UNC13D: variants seen among roughly 807,000 people sequenced by gnomAD.
UNC13D encodes the protein unc-13 homolog D.
UNC13D carries 115 observed loss-of-function variants against 151.7 expected under a neutral mutation model. The ratio of observed to expected loss-of-function variants is 0.76; its 90% CI spans 0.65 to 0.88. The LOEUF is 0.88. Ranked by LOEUF, UNC13D falls within the 40% of genes least tolerant of loss-of-function variation. The pLI, the probability that UNC13D is intolerant of heterozygous loss-of-function variation, is 0.00. For missense variants in UNC13D, 1,369 were observed against 1,438.7 expected (o/e 0.95, Z 0.78); for synonymous variants, 588 against 612.2 (o/e 0.96, Z 0.58).
chr17:75,844,275 T>C lies in UNC13D; in HGVS notation c.63A>G (p.Ile21Met). The C allele has an allele frequency of 2.5e-6, 4 of 1,612,854 alleles. 1 individual carries two copies. In the South Asian group the frequency reaches 3.3e-5, roughly 13 times the overall value. ...RPPFLRQAIK[I>M]RRRRVRDLQD... Reference sequence around the variant, plus strand: ...GTAGATCTCTGACTCTGCGGCGCCTTATCTTGATGGCCTGGCGCAAGAAGG... The same window carrying C: ...GTAGATCTCTGACTCTGCGGCGCCTCATCTTGATGGCCTGGCGCAAGAAGG... The change falls in exon 1 of 32, where the codon ATA becomes ATG. Residue 21 changes from isoleucine (I) to methionine (M), a missense_variant. Physicochemically the swap from Ile to Met is conservative, Grantham distance 10. Around this residue, in one of 3 missense-constraint regions of UNC13D, gnomAD observed 550 missense variants for 609.0 expected, o/e 0.90. Transcript: ENST00000207549.
Position 75,840,227 on chromosome 17 carries a change from G to A in UNC13D, c.856C>T (p.Arg286Trp), listed in dbSNP as rs142618705. The A allele has an allele frequency of 2.3e-5, 37 of 1,613,954 alleles. 1 individual carries two copies. Among genetic ancestry groups the A allele is most frequent in the Middle Eastern group, 1.6e-4 (1 of 6,062 alleles). ...CACTGGCCCAGTACCCGACCTACCC[G>A]CTTATGGATGAGTTGGAACTGGAGG... ...CHLQFQLIHK[R>W]RATSASRSQP... Residue 286 changes from arginine (R) to tryptophan (W), a missense_variant and splice_region_variant, in exon 10 of 32, where the codon CGG (arginine) becomes TGG (tryptophan). By Grantham distance (101) the Arg-to-Trp change is moderately radical. Transcript: ENST00000207549. This position sits in a 1 kb window ranked among gnomAD's most constrained non-coding sequence, Gnocchi z 4.6.
intron 25 of UNC13D, 112 bp from the exon 26 acceptor site, chr17:75,831,460 TCCTCCCACCCCCAACCTCCCCCTCCG>T (rs2064872412): frequency 1.0e-6 from 1 of 967,700 alleles, no homozygotes. Context: ...CCACCCCAGC[TCCTCCCACCCCCAACCTCCCCCTCCG>T]CCTCCCACCC....
chr17:75,842,428 C>T lies in UNC13D; in HGVS notation c.569+5G>A, dbSNP rs765034513. On this transcript the variant is annotated splice_donor_5th_base_variant and intron_variant, in intron 6 of 31. Transcript: ENST00000207549. Reference sequence around the variant, plus strand: ...TAGAGTGGGGGCTGGAGCACGGCCACGTACAGGATGAAGGTCTCGTCCCAG... The same window carrying T: ...TAGAGTGGGGGCTGGAGCACGGCCATGTACAGGATGAAGGTCTCGTCCCAG... 6.2e-6 allele frequency: 10 copies of T among 1,609,544 alleles called. No homozygotes were observed. The highest frequency in any genetic ancestry group is 1.3e-5 in the African/African-American group (1 of 74,868).
Position 75,840,672 on chromosome 17 carries a change from G to A in UNC13D, c.683+90C>T. 6.2e-7 allele frequency: 1 copy of A among 1,609,988 alleles called. No individual in the cohort carries two copies. Among genetic ancestry groups the A allele is most frequent in the Non-Finnish European group, 8.5e-7 (1 of 1,176,770 alleles). On this transcript the variant is annotated intron_variant, in intron 8 of 31. Coordinates refer to ENST00000207549, the MANE Select transcript of UNC13D (RefSeq NM_199242.3). This position sits in a 1 kb window ranked among gnomAD's most constrained non-coding sequence, Gnocchi z 4.6. ...GGCCGCAGCCACCTGGACCCCAAAG[G>A]AGCCTGCACCCCAGCATCCAGTGTG...
intron 27 of UNC13D, 132 bp downstream of exon 27, chr17:75,830,966 T>G (rs997530815): frequency 1.7e-6 from 2 of 1,176,212 alleles, no homozygotes; most frequent in Admixed American, 5.0e-5. Flanking sequence ...TTGTAATAAC[T>G]TTTGAATAAG....
intron 12 of UNC13D, 77 bp from the exon 13 acceptor site, chr17:75,836,995 G>A: frequency 2.3e-6 from 2 of 871,008 alleles, no homozygotes; most frequent in Non-Finnish European, 3.1e-6. Context: ...CTCAGGTGGG[G>A]GGAATCGCCT....
intron 1 of UNC13D, chr17:75,843,747 C>T (rs1408601151): frequency 9.1e-6 from 13 of 1,423,484 alleles, no homozygotes; most frequent in African/African-American, 2.9e-5. Flanking sequence ...GCGAGCCCTC[C>T]GCACCCGCAC....
rs202020609 is a variant in UNC13D at position 75,844,225 on chromosome 17, G to C, written c.113C>G (p.Pro38Arg). ...CCCCAGTGAGGTCACTCCTACCTCC[G>C]GGGCCATTTGGGGCGGGGGATCCTG... is the stretch of plus-strand genomic sequence containing the variant. ...DLQDPPPQMA[P>R]EIQPPSHHFS... Residue 38 changes from proline to arginine, a missense_variant, in exon 1 of 32, where the codon CCG becomes CGG. This residue lies in a region of UNC13D where 550 missense variants were observed against 609.0 expected (regional missense o/e 0.90). Transcript: ENST00000207549. 442 of 1,611,606 alleles carry C rather than the reference G, an allele frequency of 2.7e-4. 1 individual carries two copies. Among genetic ancestry groups the C allele is most frequent in the Non-Finnish European group, 2.5e-5 (30 of 1,179,934 alleles).
intron 14 of UNC13D, 55 bp from the exon 15 acceptor site, chr17:75,836,484 C>T (rs1567819374): frequency 6.2e-7 from 1 of 1,612,260 alleles, no homozygotes; most frequent in Non-Finnish European, 8.5e-7. Flanking sequence ...ACTGCACTCA[C>T]TCCTCCAACA....
rs1157428482 is a variant in UNC13D at position 75,828,970 on chromosome 17, C to T, written c.2968G>A (p.Glu990Lys). 6 of 1,603,552 alleles carry T rather than the reference C, an allele frequency of 3.7e-6. No individual in the cohort carries two copies. Among genetic ancestry groups the T allele is most frequent in the East Asian group, 2.2e-5 (1 of 44,878 alleles). ...DETFEFLVPAEPCRKAGACLL... is the reference protein window; with the variant it reads ...DETFEFLVPAKPCRKAGACLL... ...CATGCCCCAGCCTTGCGGCACGGCT[C>T]AGCAGGCACCAGGCTGCGGGGAGAG... Residue 990 changes from glutamate to lysine, a missense_variant, in exon 31 of 32, where the codon GAG becomes AAG. By Grantham distance (56) the Glu-to-Lys change is moderately conservative. Transcript: ENST00000207549.
chr17:75,835,195 G>A (rs922928646), intron 20 of UNC13D, 132 bp from the exon 21 acceptor site: 7 of 1,481,604 alleles, frequency 4.7e-6, no homozygotes, highest in South Asian at 1.2e-5. Flanking sequence ...GCACGGCTCC[G>A]CCCAGACCCC....
Position 75,840,830 on chromosome 17 carries a change from C to T in UNC13D, c.615G>A (p.Trp205Ter). The T allele has an allele frequency of 6.2e-7, 1 of 1,614,062 alleles. No homozygotes were observed. The highest frequency in any genetic ancestry group is 8.5e-7 in the Non-Finnish European group (1 of 1,180,032). The change falls in exon 8 of 32, where the codon TGG becomes TGA. Residue 205 changes from tryptophan (W) to a stop codon, truncating the protein, a stop_gained and splice_region_variant. Coordinates refer to ENST00000207549, the MANE Select transcript of UNC13D (RefSeq NM_199242.3). LOFTEE classifies it high-confidence loss of function. The surrounding 1 kb of genome is among the most constrained non-coding windows in gnomAD (Gnocchi z 4.6). Reference sequence around the variant, plus strand: ...GGACAGACTCCACAGTGTCCAGGTCCCTGGCAGGACAGAGGTTTGAGAAGG... The same window carrying T: ...GGACAGACTCCACAGTGTCCAGGTCTCTGGCAGGACAGAGGTTTGAGAAGG... Reference protein sequence around the residue: ...ITNASFHLDMWDLDTVESVRQ... With the variant: ...ITNASFHLDM
In UNC13D at chr17:75,827,694, G is replaced by A. The variant is rs997096657; in HGVS notation, c.*271C>T. ...CAGCAGCTTTTCTGAGAGGCGGGCA[G>A]GGGCAGGGTTTGCTCCCCCTGGTGC... On this transcript the variant is annotated 3_prime_UTR_variant, in exon 32 of 32. Transcript: ENST00000207549. 7.9e-6 allele frequency: 12 copies of A among 1,526,056 alleles called. No individual in the cohort carries two copies. The highest frequency in any genetic ancestry group is 1.1e-5 in the Non-Finnish European group (12 of 1,140,356). The allele number at this position is 1,526,056 out of a possible 1,614,324, so 94.5% of individuals were successfully genotyped here.
chr17:75,843,786 C>T, intron 1 of UNC13D: 1 of 1,406,016 alleles, frequency 7.1e-7, no homozygotes, highest in South Asian at 1.5e-5. Flanking sequence ...CCAGAGGAAA[C>T]AGCTCTGCTT....
rs779684660 is a variant in UNC13D at position 75,843,005 on chromosome 17, C to T, written c.321+9G>A. The T allele has an allele frequency of 1.2e-6, 2 of 1,612,704 alleles. No individual in the cohort carries two copies. The highest frequency in any genetic ancestry group is 1.7e-6 in the Non-Finnish European group (2 of 1,179,948). On this transcript the variant is annotated intron_variant, in intron 4 of 31. Transcript: ENST00000207549. ...CTCCTTGCCCAGGGGGACCCTGGCC[C>T]CAGGTTACCTCAAGCTCCCTGACCC... is the stretch of plus-strand genomic sequence containing the variant.
At position 75,836,875 on chromosome 17, in the gene UNC13D, G is replaced by T; in HGVS notation, c.1099C>A (p.Pro367Thr). 1 of 1,613,792 alleles carries T rather than the reference G, an allele frequency of 6.2e-7. No homozygotes were observed. The highest frequency in any genetic ancestry group is 8.5e-7 in the Non-Finnish European group (1 of 1,180,016). ...YSRLYQSLEF[P>T]SSCLLHPITS... The stretch of plus-strand genomic sequence containing the variant: ...ATGGGGTGCAGGAGGCAGCTGCTGG[G>T]GAACTCCAGGCTCTGGTAGAGGCGG... The change falls in exon 13 of 32, where the codon CCC becomes ACC. Residue 367 changes from proline to threonine, a missense_variant. By Grantham distance (38) the Pro-to-Thr change is conservative (BLOSUM62 -1). This residue lies in a region of UNC13D where 550 missense variants were observed against 609.0 expected (regional missense o/e 0.90). Coordinates refer to ENST00000207549, the MANE Select transcript of UNC13D (RefSeq NM_199242.3).
chr17:75,838,568 C>A (rs1243877249), intron 12 of UNC13D, among the ~76,000 whole-genome samples: 1 of 152,144 alleles, frequency 6.6e-6, no homozygotes, highest in African/African-American at 2.4e-5. Context: ...TGGCTGTGAC[C>A]CCCTGTGCCC....
chr17:75,827,525 G>A lies in UNC13D; in HGVS notation c.*440C>T. On this transcript the variant is annotated 3_prime_UTR_variant, in exon 32 of 32. Transcript: ENST00000207549. ...CAGCTGGAGCCTCATCTTTGGCAGG[G>A]TCCCCTCTCCCTTTTCCAGGAGACT... 1.3e-6 allele frequency: 2 copies of A among 1,531,858 alleles called. No homozygotes were observed. Among genetic ancestry groups the A allele is most frequent in the Non-Finnish European group, 1.7e-6 (2 of 1,144,206 alleles). 94.9% of individuals were successfully genotyped at this position (1,531,858 alleles called of 1,614,324 possible).
In UNC13D at chr17:75,840,960, A is replaced by C; in HGVS notation, c.611T>G (p.Met204Arg). Residue 204 changes from methionine (M) to arginine (R), a missense_variant, in exon 7 of 32, where the codon ATG (methionine) becomes AGG (arginine). Coordinates refer to ENST00000207549, the MANE Select transcript of UNC13D (RefSeq NM_199242.3). The surrounding 1 kb of genome is among the most constrained non-coding windows in gnomAD (Gnocchi z 4.6). ...DITNASFHLDMWDLDTVESVR... is the reference protein window; with the variant it reads ...DITNASFHLDRWDLDTVESVR... ...AGGGGCAGGCCAGGTCACTCACCAC[A>C]TGTCCAGATGAAAGCTCGCATTGGT... The C allele has an allele frequency of 6.2e-7, 1 of 1,613,836 alleles. No homozygotes were observed. The highest frequency in any genetic ancestry group is 1.1e-5 in the South Asian group (1 of 91,062).
Sources: gnomAD v4.1 joint callset for allele counts (sites outside exome capture counted in the v4.1 genomes callset) on GRCh38, gnomAD v4.1.1 for gene constraint, gnomAD v4.1.1 regional missense constraint, Gnocchi (gnomAD v3.1) non-coding constraint, MANE v1.5 for transcripts, NCBI Gene and HGNC (gene_info 2026-07-23, HGNC 2026-07-21) for gene names.